The following KTN1 variants were observed in gnomAD, a reference collection of about 807,000 sequenced individuals.
KTN1 encodes the protein kinectin.
In KTN1, 130 loss-of-function variants were observed where a neutral mutation model predicts 222.5. The observed-to-expected ratio is 0.58, with a 90% CI of 0.51 to 0.68. The LOEUF is 0.68. Ranked by LOEUF, KTN1 falls within the 30% of genes least tolerant of loss-of-function variation. KTN1 has a pLI of 0.00. For synonymous variants in KTN1, 512 were observed against 496.3 expected, an observed-to-expected ratio of 1.03 and a Z score of -0.42; for missense variants, 1,508 against 1,500.4, an observed-to-expected ratio of 1.01 and a Z score of -0.08.
intron 40 of KTN1, chr14:55,674,490 T>C (rs2045726779): frequency 1.3e-5 from 2 of 152,170 alleles, no homozygotes; most frequent in African/African-American, 4.8e-5. Flanking sequence ...ATCTTTGTTT[T>C]ATGTACCAAT....
At chr14:55,622,260 G>A (rs777254713) in intron 5 of KTN1, among the ~76,000 whole-genome samples, 8 of 152,086 alleles carry the variant, frequency 5.3e-5, no homozygotes, top group Non-Finnish European at 1.0e-4. Context: ...ATGTATGAAC[G>A]GTTTTTGTGA....
chr14:55,636,849 T>C (rs191325200), intron 10 of KTN1, among the ~76,000 whole-genome samples: 126 of 151,964 alleles, frequency 8.3e-4, no homozygotes, highest in African/African-American at 1.7e-3. Flanking sequence ...TTTTTTTTTT[T>C]CCCAAGAAAA....
At chr14:55,638,771 A>G (rs2041428079) in intron 12 of KTN1, among the ~76,000 whole-genome samples, 1 of 151,850 alleles carries the variant, frequency 6.6e-6, no homozygotes, top group Admixed American at 6.6e-5. Flanking sequence ...ATGCTGTAAG[A>G]ATCTTTTAAA....
intron 8 of KTN1, among the ~76,000 whole-genome samples, chr14:55,634,096 T>G (rs1210193879): frequency 6.6e-6 from 1 of 152,004 alleles, no homozygotes; most frequent in East Asian, 1.9e-4. Flanking sequence ...ATTGTGCCAC[T>G]GTACTCCAGC....
intron 18 of KTN1, among the ~76,000 whole-genome samples, chr14:55,643,843 T>C (rs2042031763): frequency 6.6e-6 from 1 of 152,218 alleles, no homozygotes; most frequent in African/African-American, 2.4e-5. Flanking sequence ...AGTCAGCCTT[T>C]TATTATAATG....
chr14:55,684,100 G>GT lies in KTN1; in HGVS notation c.4072dup (p.Ter1358LeufsTer3). On this transcript the variant is annotated frameshift_variant and splice_region_variant, in exon 44 of 44. Coordinates refer to ENST00000395314, the MANE Select transcript of KTN1 (RefSeq NM_001079521.2). LOFTEE classifies it high-confidence loss of function. ...TTCATTCTTTCTGATCTTTTACAGA[G>GT]TGAAGTAATTGGGAAACTGTTCATT... 6.2e-7 allele frequency: 1 copy of GT among 1,602,968 alleles called. No individual in the cohort carries two copies. Among genetic ancestry groups the GT allele is most frequent in the Non-Finnish European group, 8.5e-7 (1 of 1,173,446 alleles).
chr14:55,584,580 T>C (rs2032527050), intron 1 of KTN1, among the ~76,000 whole-genome samples: 1 of 152,228 alleles, frequency 6.6e-6, no homozygotes, highest in African/African-American at 2.4e-5. Context: ...TAAAAAGATG[T>C]GCCTATTTTA....
chr14:55,611,522 A>G (rs1392446245), intron 1 of KTN1, among the ~76,000 whole-genome samples: 2 of 152,126 alleles, frequency 1.3e-5, no homozygotes, highest in Non-Finnish European at 2.9e-5. Flanking sequence ...GTAAAGATGC[A>G]AGCAGTTGGT....
chr14:55,682,843 C>T (rs566660344), intron 43 of KTN1: 1 of 152,170 alleles, frequency 6.6e-6, no homozygotes, highest in African/African-American at 2.4e-5. Flanking sequence ...TTTCTTTTCT[C>T]CTCATTTTGT....
chr14:55,663,779 T>G (rs2044401621), intron 32 of KTN1, 176 bp from the exon 33 acceptor site: 1 of 533,550 alleles, frequency 1.9e-6, no homozygotes, highest in Non-Finnish European at 3.3e-6. Context: ...GTCTTTATTT[T>G]CTCATTCAAA....
chr14:55,619,781 T>C (rs1025107456), intron 5 of KTN1, among the ~76,000 whole-genome samples: 59 of 152,102 alleles, frequency 3.9e-4, no homozygotes, highest in Non-Finnish European at 1.0e-4. Flanking sequence ...GGAGCTACAA[T>C]TCAGGATGAG....
chr14:55,655,024 G>C (rs1011965954), intron 28 of KTN1, among the ~76,000 whole-genome samples: 7 of 152,028 alleles, frequency 4.6e-5, no homozygotes, highest in Non-Finnish European at 1.0e-4. Flanking sequence ...CTGTGGCCCA[G>C]GCTGGAGTAC....
rs550709909 is a variant in KTN1, at chr14:55,653,790, G to A, written c.2801+194G>A. On this transcript the variant is annotated intron_variant, in intron 28 of 43. Coordinates refer to ENST00000395314, the MANE Select transcript of KTN1 (RefSeq NM_001079521.2). ...TTATTTAAATGCTTTCAGATACCTGGAGACTTTATCCTTTCCAAATCCATC... is the reference window on the plus strand; with the variant it reads ...TTATTTAAATGCTTTCAGATACCTGAAGACTTTATCCTTTCCAAATCCATC... Among the ~76,000 whole-genome samples the A allele has an allele frequency of 3.3e-5, 5 of 152,218 alleles. No homozygotes were observed. The East Asian group carries it at 9.6e-4, about 29-fold the overall frequency.
intron 41 of KTN1, among the ~76,000 whole-genome samples, chr14:55,678,082 A>G (rs984533286): frequency 3.3e-5 from 5 of 152,220 alleles, no homozygotes; most frequent in African/African-American, 9.6e-5. Context: ...CTAACCTGTA[A>G]TCTAGACTAA....
chr14:55,634,039 C>T (rs1020616203), intron 8 of KTN1, among the ~76,000 whole-genome samples: 2 of 152,050 alleles, frequency 1.3e-5, no homozygotes, highest in African/African-American at 4.8e-5. Flanking sequence ...ACTCGGGAGA[C>T]AGGAGAATCG....
intron 11 of KTN1, 86 bp downstream of exon 11, chr14:55,637,450 C>T: frequency 1.1e-6 from 1 of 910,392 alleles, no homozygotes. Flanking sequence ...CTAAAGTCTA[C>T]CTTATCCTAA....
At chr14:55,610,401 G>A (rs577096787) in intron 1 of KTN1, among the ~76,000 whole-genome samples, 14 of 152,064 alleles carry the variant, frequency 9.2e-5, no homozygotes, top group Non-Finnish European at 2.1e-4. Flanking sequence ...GTTCAAACCC[G>A]TGTTGTTACA....
At chr14:55,666,378 T>C (rs1370234143) in intron 33 of KTN1, among the ~76,000 whole-genome samples, 1 of 151,948 alleles carries the variant, frequency 6.6e-6, no homozygotes, top group African/African-American at 2.4e-5. Context: ...TGTTTTTAGA[T>C]GATTTTCTTG....
intron 28 of KTN1, among the ~76,000 whole-genome samples, chr14:55,654,869 A>G (rs1379318037): frequency 6.6e-6 from 1 of 152,020 alleles, no homozygotes; most frequent in Non-Finnish European, 1.5e-5. Flanking sequence ...CTTCCTCCAC[A>G]TCCCGGCAGC....
Sources: allele counts gnomAD v4.1 joint callset (sites outside exome capture counted in the v4.1 genomes callset), GRCh38; gene constraint gnomAD v4.1.1; transcripts MANE v1.5; gene names NCBI Gene and HGNC (gene_info 2026-07-23, HGNC 2026-07-21).